The following ENPP2 variants were observed in gnomAD, a reference collection of about 807,000 sequenced individuals.
ENPP2 encodes the protein ectonucleotide pyrophosphatase/phosphodiesterase 2.
A neutral mutation model predicts 120.2 loss-of-function variants in ENPP2; 51 were observed. That is an observed-to-expected ratio of 0.42 (90% CI 0.34 to 0.54). The LOEUF is 0.54. Ranked by LOEUF, ENPP2 falls within the 20% of genes least tolerant of loss-of-function variation. The probability of loss-of-function intolerance (pLI) is 0.04; values close to 1 mark genes in which losing one functional copy is unlikely to be tolerated. For missense variants in ENPP2, 920 were observed against 1,066.5 expected (o/e 0.86, Z 1.91); for synonymous variants, 365 against 366.4 (o/e 1.00, Z 0.04).
intron 1 of ENPP2, among the ~76,000 whole-genome samples, chr8:119,660,650 C>T (rs560257283): frequency 1.3e-5 from 2 of 152,254 alleles, no homozygotes; most frequent in Admixed American, 6.5e-5. Flanking sequence ...TTCAGTTTTC[C>T]ACTTGTTTCA....
At chr8:119,656,033 T>C (rs908567306) in intron 1 of ENPP2, among the ~76,000 whole-genome samples, 4 of 152,218 alleles carry the variant, frequency 2.6e-5, no homozygotes, top group Non-Finnish European at 5.9e-5. Context: ...GGAGCCACTA[T>C]ACCAATACTG....
chr8:119,656,212 C>T (rs1817761919), intron 1 of ENPP2, among the ~76,000 whole-genome samples: 1 of 152,122 alleles, frequency 6.6e-6, no homozygotes, highest in Middle Eastern at 3.2e-3. Flanking sequence ...GCAGCTATTT[C>T]CCTTTCCTCC....
At chr8:119,669,384 C>T (rs893929126) in intron 1 of ENPP2, among the ~76,000 whole-genome samples, 1 of 152,162 alleles carries the variant, frequency 6.6e-6, no homozygotes, top group Non-Finnish European at 1.5e-5. Flanking sequence ...TTAGTTAAAT[C>T]CTCCAGCACC....
intron 1 of ENPP2, among the ~76,000 whole-genome samples, chr8:119,672,778 A>T (rs1818288963): frequency 6.6e-6 from 1 of 152,152 alleles, no homozygotes; most frequent in Non-Finnish European, 1.5e-5. Flanking sequence ...TGTCTCCTGG[A>T]GGCAAGTGTG....
At chr8:119,661,755 T>C (rs1186134909) in intron 1 of ENPP2, among the ~76,000 whole-genome samples, 1 of 152,070 alleles carries the variant, frequency 6.6e-6, no homozygotes, top group Non-Finnish European at 1.5e-5. Context: ...ATAGCCAAAA[T>C]ATGGAATCAA....
intron 1 of ENPP2, among the ~76,000 whole-genome samples, chr8:119,654,084 ATG>A (rs928209469): frequency 1.4e-5 from 2 of 144,708 alleles, no homozygotes; most frequent in African/African-American, 5.0e-5. Flanking sequence ...ATTATATATT[ATG>A]TGTTATATAT....
At chr8:119,594,658 A>G (rs1381925597) in intron 11 of ENPP2, among the ~76,000 whole-genome samples, 2 of 152,228 alleles carry the variant, frequency 1.3e-5, no homozygotes, top group Non-Finnish European at 2.9e-5. Context: ...CTCACATACT[A>G]GAGGCTCTCC....
intron 2 of ENPP2, among the ~76,000 whole-genome samples, chr8:119,636,709 A>C (rs1156881985): frequency 6.6e-5 from 10 of 152,210 alleles, no homozygotes; most frequent in Non-Finnish European, 1.3e-4. Context: ...TAATAAATCC[A>C]ATCTATACTT....
intron 8 of ENPP2, among the ~76,000 whole-genome samples, chr8:119,614,645 C>A (rs1028043838): frequency 6.6e-6 from 1 of 152,190 alleles, no homozygotes; most frequent in Non-Finnish European, 1.5e-5. Context: ...TATGTCAACA[C>A]TTGGTGTAAG....
intron 19 of ENPP2, chr8:119,571,588 T>C (rs763394120): frequency 3.3e-5 from 5 of 152,212 alleles, no homozygotes; most frequent in Non-Finnish European, 7.3e-5. Context: ...AGTATGAAAA[T>C]CTTCATTCCA....
chr8:119,636,342 C>G (rs1816999026), intron 2 of ENPP2, among the ~76,000 whole-genome samples: 1 of 152,152 alleles, frequency 6.6e-6, no homozygotes, highest in Non-Finnish European at 1.5e-5. Context: ...GATTTTTATT[C>G]AGGAGAAATC....
intron 3 of ENPP2, among the ~76,000 whole-genome samples, chr8:119,622,740 C>T (rs1348869384): frequency 6.6e-6 from 1 of 152,016 alleles, no homozygotes; most frequent in Non-Finnish European, 1.5e-5. Flanking sequence ...AAATTCAGAA[C>T]TACTCTATTG....
intron 1 of ENPP2, among the ~76,000 whole-genome samples, chr8:119,666,290 A>G (rs191648288): frequency 8.1e-4 from 123 of 152,244 alleles, no homozygotes; most frequent in Non-Finnish European, 2.9e-4. Flanking sequence ...ACCTTTTTTA[A>G]AAATCGAAAA....
At chr8:119,623,636 G>A (rs1380504643) in intron 3 of ENPP2, among the ~76,000 whole-genome samples, 1 of 151,560 alleles carries the variant, frequency 6.6e-6, no homozygotes, top group Non-Finnish European at 1.5e-5. Flanking sequence ...GTTTTGTTTT[G>A]TTTTTTTGAG....
intron 24 of ENPP2, among the ~76,000 whole-genome samples, chr8:119,558,315 C>T (rs1813636808): frequency 1.3e-5 from 2 of 152,132 alleles, no homozygotes; most frequent in African/African-American, 4.8e-5. Context: ...GGCTATGAGA[C>T]CTTGGTCAAG....
chr8:119,653,974 T>G (rs1817695920), intron 1 of ENPP2, among the ~76,000 whole-genome samples: 1 of 147,476 alleles, frequency 6.8e-6, no homozygotes, highest in Admixed American at 6.8e-5. Context: ...AGATTACATA[T>G]TATTATATAT....
At chr8:119,633,981 G>A (rs552152061) in intron 2 of ENPP2, among the ~76,000 whole-genome samples, 19 of 152,126 alleles carry the variant, frequency 1.2e-4, no homozygotes, top group Non-Finnish European at 2.1e-4. Flanking sequence ...TCAGGAGTTC[G>A]AGAGCAGCCT....
chr8:119,572,477 T>A (rs1815084954), intron 19 of ENPP2: 1 of 506,896 alleles, frequency 2.0e-6, no homozygotes, highest in African/African-American at 1.9e-5. Context: ...TAACTCTGGC[T>A]CTTCCTCTAA....
intron 1 of ENPP2, among the ~76,000 whole-genome samples, chr8:119,657,326 T>C (rs1160026103): frequency 6.6e-6 from 1 of 152,226 alleles, no homozygotes; most frequent in Non-Finnish European, 1.5e-5. Flanking sequence ...AAACCCAGTC[T>C]GCATCGTTCA....
Sources: allele counts gnomAD v4.1 joint callset (sites outside exome capture counted in the v4.1 genomes callset), GRCh38; gene constraint gnomAD v4.1.1; transcripts MANE v1.5; gene names NCBI Gene and HGNC (gene_info 2026-07-23, HGNC 2026-07-21).